PRORP: variants seen among roughly 807,000 people sequenced by gnomAD.
PRORP encodes protein only RNase P catalytic subunit, also known as mitochondrial ribonuclease P catalytic subunit.
Under a neutral mutation model 59.4 loss-of-function variants are expected in PRORP, and 51 were observed. The observed-to-expected ratio is 0.86, with a 90% CI of 0.69 to 1.08. The LOEUF is 1.08. Ranked by LOEUF, PRORP falls within the 50% of genes least tolerant of loss-of-function variation. The pLI is 0.00. For synonymous variants in PRORP, 231 were observed against 245.6 expected (o/e 0.94, Z 0.55); for missense variants, 646 against 690.3 (o/e 0.94, Z 0.72).
chr14:35,274,889 G>C lies in PRORP; in HGVS notation c.*1323G>C, dbSNP rs762656947. On this transcript the variant is annotated 3_prime_UTR_variant, in exon 8 of 8. Coordinates refer to ENST00000534898, the MANE Select transcript of PRORP (RefSeq NM_014672.4). ...ATTATATTTTAATAGTTACATTTCT[G>C]TTTTTTCCACTCACTAGCCAGCTTA... is the stretch of plus-strand genomic sequence containing the variant. 7.9e-5 allele frequency: 12 copies of C among 152,064 alleles called. No homozygotes were observed. The highest frequency in any genetic ancestry group is 1.6e-4 in the Non-Finnish European group (11 of 68,006). The allele number at this position is 152,064 out of a possible 1,614,324, so 9.4% of individuals were successfully genotyped here.
intron 2 of PRORP, 112 bp downstream of exon 2, chr14:35,124,343 C>G (rs2047037539): frequency 1.6e-6 from 1 of 622,612 alleles, no homozygotes; most frequent in East Asian, 3.0e-5. Flanking sequence ...TCATAGCTCA[C>G]TGTAACCTCA....
intron 4 of PRORP, among the ~76,000 whole-genome samples, chr14:35,172,444 CCTTCCTTCCTT>C (rs1435283735): frequency 4.6e-5 from 3 of 65,502 alleles, no homozygotes; most frequent in Non-Finnish European, 8.2e-5. Flanking sequence ...TTCCTTCCTT[CCTTCCTTCCTT>C]CTTTCTTTCT....
intron 5 of PRORP, among the ~76,000 whole-genome samples, chr14:35,246,045 C>G (rs998632701): frequency 6.6e-6 from 1 of 152,098 alleles, no homozygotes; most frequent in Non-Finnish European, 1.5e-5. Flanking sequence ...TTTATGCTCC[C>G]AGTGTTACTC....
chr14:35,233,076 G>A (rs934653378), intron 5 of PRORP, among the ~76,000 whole-genome samples: 1 of 151,524 alleles, frequency 6.6e-6, no homozygotes, highest in East Asian at 1.9e-4. Context: ...TCTCTCTTCT[G>A]TGCTCTCAAA....
rs1012839091 is a variant in PRORP, at chr14:35,126,771, A to G, written c.1023A>G (p.Thr341=). The change falls in exon 3 of 8, where the codon ACA becomes ACG. Residue 341 remains threonine (T), a synonymous_variant. Transcript: ENST00000534898. ...PGKQWKGQFT[T]VRKSGQCSGC... ...AACAATGGAAAGGACAATTCACCAC[A>G]GTCCGAAAAAGGTGAAGACCAATGT... The G allele has an allele frequency of 1.9e-6, 3 of 1,609,646 alleles. No homozygotes were observed. The highest frequency in any genetic ancestry group is 1.7e-6 in the Non-Finnish European group (2 of 1,177,556).
At chr14:35,208,783 A>G (rs1257874887) in intron 5 of PRORP, among the ~76,000 whole-genome samples, 1 of 152,098 alleles carries the variant, frequency 6.6e-6, no homozygotes, top group Non-Finnish European at 1.5e-5. Context: ...AGGTGGGTGG[A>G]TCACCTGAGG....
chr14:35,149,077 C>CA (rs1215860527), intron 4 of PRORP, among the ~76,000 whole-genome samples: 5 of 149,674 alleles, frequency 3.3e-5, no homozygotes, highest in Non-Finnish European at 7.4e-5. Context: ...CGCCACCACG[C>CA]CCGGCTAATT....
chr14:35,259,090 C>T (rs2050832597), intron 5 of PRORP, among the ~76,000 whole-genome samples: 1 of 152,140 alleles, frequency 6.6e-6, no homozygotes, highest in African/African-American at 2.4e-5. Context: ...GCTATTTCTC[C>T]TCCTGGTTCT....
chr14:35,194,605 C>T (rs1166904247), intron 5 of PRORP, among the ~76,000 whole-genome samples: 1 of 152,220 alleles, frequency 6.6e-6, no homozygotes, highest in East Asian at 1.9e-4. Flanking sequence ...GTGGGTGCAG[C>T]AAACCACCAT....
intron 5 of PRORP, among the ~76,000 whole-genome samples, chr14:35,247,896 T>G (rs1377967619): frequency 1.3e-5 from 2 of 152,302 alleles, no homozygotes; most frequent in Non-Finnish European, 2.9e-5. Flanking sequence ...CAAATCTGTC[T>G]TCTAGACAGC....
chr14:35,220,310 A>G (rs1473453481), intron 5 of PRORP, among the ~76,000 whole-genome samples: 1 of 152,206 alleles, frequency 6.6e-6, no homozygotes, highest in Admixed American at 6.5e-5. Context: ...GAACAACTCT[A>G]AAGGTTAAAA....
At chr14:35,234,072 T>A (rs2050146303) in intron 5 of PRORP, among the ~76,000 whole-genome samples, 1 of 152,214 alleles carries the variant, frequency 6.6e-6, no homozygotes, top group South Asian at 2.1e-4. Flanking sequence ...GAAAATAACT[T>A]TGAATTTGTC....
chr14:35,128,301 GT>G (rs575648314), intron 4 of PRORP, among the ~76,000 whole-genome samples: 8 of 145,366 alleles, frequency 5.5e-5, no homozygotes, highest in East Asian at 2.0e-4. Context: ...TGTTTTTTGG[GT>G]TTTTTTTTTG....
chr14:35,250,505 A>G (rs2050588591), intron 5 of PRORP, among the ~76,000 whole-genome samples: 1 of 152,338 alleles, frequency 6.6e-6, no homozygotes, highest in South Asian at 2.1e-4. Flanking sequence ...AGAAGCTGCC[A>G]GGGAATGACA....
chr14:35,251,329 G>A (rs1156311807), intron 5 of PRORP, among the ~76,000 whole-genome samples: 1 of 152,088 alleles, frequency 6.6e-6, no homozygotes, highest in Non-Finnish European at 1.5e-5. Flanking sequence ...GTTTATAGCA[G>A]CACAGTTTGC....
chr14:35,184,548 G>T (rs143320892), intron 5 of PRORP, among the ~76,000 whole-genome samples: 1 of 151,968 alleles, frequency 6.6e-6, no homozygotes, highest in Non-Finnish European at 1.5e-5. Context: ...AAGCTTGGGG[G>T]TACATGGGAA....
At chr14:35,154,524 A>T (rs1418798205) in intron 4 of PRORP, among the ~76,000 whole-genome samples, 1 of 152,176 alleles carries the variant, frequency 6.6e-6, no homozygotes, top group African/African-American at 2.4e-5. Context: ...GTATGTGAAA[A>T]TATCAAACCT....
intron 5 of PRORP, among the ~76,000 whole-genome samples, chr14:35,214,727 C>G (rs963588666): frequency 6.6e-6 from 1 of 152,018 alleles, no homozygotes; most frequent in Non-Finnish European, 1.5e-5. Flanking sequence ...GCCAACATGG[C>G]GAAACTGCAT....
chr14:35,158,894 A>G, intron 4 of PRORP: 1 of 303,650 alleles, frequency 3.3e-6, no homozygotes. Context: ...GAGTTGATTA[A>G]TGTTGTCTTT....
Sources: gnomAD v4.1 joint callset for allele counts (sites outside exome capture counted in the v4.1 genomes callset) on GRCh38, gnomAD v4.1.1 for gene constraint, MANE v1.5 for transcripts, NCBI Gene and HGNC (gene_info 2026-07-23, HGNC 2026-07-21) for gene names.